SMKR1: variants seen among roughly 807,000 people sequenced by gnomAD.
SMKR1 encodes small lysine-rich protein 1.
SMKR1 carries 4 observed loss-of-function variants against 4.0 expected under a neutral mutation model. That is an observed-to-expected ratio of 1.00 (90% confidence interval 0.49 to 2.30). The LOEUF is 2.30. SMKR1 is among the 30% of genes most tolerant of loss of function. SMKR1 has a pLI of 0.02. For synonymous variants in SMKR1, 38 were observed against 32.5 expected, an observed-to-expected ratio of 1.17 and a Z score of -0.58; for missense variants, 56 against 81.8, an observed-to-expected ratio of 0.68 and a Z score of 1.22.
In SMKR1 at chr7:129,502,798, C is replaced by T. The variant is rs892313189; in HGVS notation, c.-27C>T. Reference sequence around the variant, plus strand: ...GCTTCGGGATCGGGAGAGTCCACCACGCCTGCCTGCTCGGCTGAGAATCGC... The same window carrying T: ...GCTTCGGGATCGGGAGAGTCCACCATGCCTGCCTGCTCGGCTGAGAATCGC... On this transcript the variant is annotated 5_prime_UTR_variant, in exon 1 of 2. It adds an upstream start codon to the 5' untranslated region. Transcript: ENST00000462322. 17 of 1,534,986 alleles carry T rather than the reference C, an allele frequency of 1.1e-5. No homozygotes were observed. The highest frequency in any genetic ancestry group is 1.5e-5 in the Non-Finnish European group (17 of 1,146,590).
intron 1 of SMKR1, among the ~76,000 whole-genome samples, chr7:129,508,590 C>T (rs746597016): frequency 1.6e-4 from 25 of 152,138 alleles, no homozygotes; most frequent in Middle Eastern, 3.4e-3. Flanking sequence ...TACTGGTGCC[C>T]GCCACCACAC....
chr7:129,503,340 TGTGA>T (rs1175004416), intron 1 of SMKR1, among the ~76,000 whole-genome samples: 1 of 148,440 alleles, frequency 6.7e-6, no homozygotes, highest in Non-Finnish European at 1.5e-5. Flanking sequence ...CCAGAAGGGC[TGTGA>T]CCTTCCAGCC....
chr7:129,506,631 T>C (rs968496485), intron 1 of SMKR1, among the ~76,000 whole-genome samples: 1 of 149,484 alleles, frequency 6.7e-6, no homozygotes, highest in African/African-American at 2.4e-5. Flanking sequence ...GTCTGCCCTC[T>C]CTCTAGATTA....
chr7:129,511,234 T>G (rs1347864644), intron 1 of SMKR1, among the ~76,000 whole-genome samples: 2 of 152,258 alleles, frequency 1.3e-5, no homozygotes, highest in African/African-American at 4.8e-5. Flanking sequence ...TGTTTTAAAT[T>G]TAATGTGTAT....
intron 1 of SMKR1, among the ~76,000 whole-genome samples, chr7:129,509,309 G>A (rs1411115070): frequency 6.6e-6 from 1 of 152,118 alleles, no homozygotes; most frequent in Non-Finnish European, 1.5e-5. Flanking sequence ...GCAAGACTCC[G>A]TTTCAAAAAA....
chr7:129,504,658 G>T (rs1293713211), intron 1 of SMKR1, among the ~76,000 whole-genome samples: 1 of 151,944 alleles, frequency 6.6e-6, no homozygotes, highest in African/African-American at 2.4e-5. Flanking sequence ...GGCTCAAGGG[G>T]TCCTCCCACC....
intron 1 of SMKR1, among the ~76,000 whole-genome samples, chr7:129,508,603 G>A (rs1295488233): frequency 6.6e-6 from 1 of 151,960 alleles, no homozygotes; most frequent in South Asian, 2.1e-4. Context: ...CACCACACTC[G>A]GCTAATTGTT....
intron 1 of SMKR1, 22 bp from the exon 2 acceptor site, chr7:129,512,225 T>C (rs1306954480): frequency 1.0e-5 from 15 of 1,494,286 alleles, no homozygotes; most frequent in African/African-American, 1.4e-5. Context: ...CCTCCTCCCA[T>C]ATTTATATTT....
intron 1 of SMKR1, among the ~76,000 whole-genome samples, chr7:129,504,465 A>G (rs777008871): frequency 6.6e-6 from 1 of 152,244 alleles, no homozygotes; most frequent in Non-Finnish European, 1.5e-5. Context: ...TTGATGGCCC[A>G]GATGAGGTCA....
intron 1 of SMKR1, among the ~76,000 whole-genome samples, chr7:129,510,782 A>G (rs1174970192): frequency 1.3e-5 from 2 of 151,956 alleles, no homozygotes; most frequent in African/African-American, 4.8e-5. Context: ...GTCTCACATC[A>G]GACATGGTGC....
chr7:129,502,943 G>A (rs1799425999), intron 1 of SMKR1, 116 bp downstream of exon 1: 1 of 1,423,282 alleles, frequency 7.0e-7, no homozygotes, highest in East Asian at 2.6e-5. Context: ...CGACCTCAAC[G>A]CGTGGCGAAA....
chr7:129,509,053 G>A (rs1394134918), intron 1 of SMKR1, among the ~76,000 whole-genome samples: 2 of 152,318 alleles, frequency 1.3e-5, no homozygotes, highest in East Asian at 1.9e-4. Context: ...GGTGGCTCAC[G>A]CCTATAATCC....
intron 1 of SMKR1, among the ~76,000 whole-genome samples, chr7:129,510,672 A>C (rs1318719608): frequency 6.6e-6 from 1 of 152,172 alleles, no homozygotes; most frequent in Non-Finnish European, 1.5e-5. Flanking sequence ...GGGTTACAGT[A>C]AGCTGAGTTT....
intron 1 of SMKR1, among the ~76,000 whole-genome samples, chr7:129,510,624 C>T (rs1022024372): frequency 5.9e-5 from 9 of 152,006 alleles, no homozygotes; most frequent in South Asian, 2.1e-4. Context: ...GCTACTTGGG[C>T]GGCTGAGGTG....
chr7:129,502,884 G>A, intron 1 of SMKR1, 57 bp downstream of exon 1: 1 of 1,533,320 alleles, frequency 6.5e-7, no homozygotes, highest in Non-Finnish European at 8.7e-7. Flanking sequence ...GGAGCCCCAG[G>A]CTGTCCCGGA....
intron 1 of SMKR1, among the ~76,000 whole-genome samples, chr7:129,509,515 C>T (rs755337279): frequency 6.6e-6 from 1 of 151,976 alleles, no homozygotes; most frequent in Non-Finnish European, 1.5e-5. Context: ...TAGGAATGTA[C>T]TCTATTTCAC....
chr7:129,505,506 TTCAC>T (rs1799455236), intron 1 of SMKR1, among the ~76,000 whole-genome samples: 1 of 151,904 alleles, frequency 6.6e-6, no homozygotes, highest in South Asian at 2.1e-4. Flanking sequence ...GAGACAGAGT[TTCAC>T]TCTTGTCGCC....
Position 129,502,624 on chromosome 7 carries a change from T to C in SMKR1, c.-201T>C, listed in dbSNP as rs919441936. 1.4e-5 allele frequency: 10 copies of C among 710,120 alleles called. No homozygotes were observed. Among genetic ancestry groups the C allele is most frequent in the African/African-American group, 1.9e-5 (1 of 51,482 alleles). The allele number at this position is 710,120 out of a possible 1,614,324, so 44.0% of individuals were successfully genotyped here. ...CCAGGCGGCTCCGCGGCTGGCTGCC[T>C]CCCGAGCCGGCCGCGCTCCTCCCAG... On this transcript the variant is annotated 5_prime_UTR_variant, in exon 1 of 2. Transcript: ENST00000462322.
chr7:129,502,783 C>T lies in SMKR1; in HGVS notation c.-42C>T, dbSNP rs1303697919. On this transcript the variant is annotated 5_prime_UTR_variant, in exon 1 of 2. Coordinates refer to ENST00000462322, the MANE Select transcript of SMKR1 (RefSeq NM_001195243.2). ...CGGTGGATGCTAAGGGCTTCGGGATCGGGAGAGTCCACCACGCCTGCCTGC... is the reference window on the plus strand; with the variant it reads ...CGGTGGATGCTAAGGGCTTCGGGATTGGGAGAGTCCACCACGCCTGCCTGC... 1 of 1,534,888 alleles carries T rather than the reference C, an allele frequency of 6.5e-7. No homozygotes were observed. Among genetic ancestry groups the T allele is most frequent in the Non-Finnish European group, 8.7e-7 (1 of 1,146,570 alleles).
Sources: gnomAD v4.1 joint callset for allele counts (sites outside exome capture counted in the v4.1 genomes callset) on GRCh38, gnomAD v4.1.1 for gene constraint, MANE v1.5 for transcripts, NCBI Gene and HGNC (gene_info 2026-07-23, HGNC 2026-07-21) for gene names.